The following ZNF716 variants were observed in gnomAD, a reference collection of about 807,000 sequenced individuals.
ZNF716 encodes the protein zinc finger protein 716.
A neutral mutation model predicts 13.4 loss-of-function variants in ZNF716; 9 were observed. The observed-to-expected ratio is 0.67, with a 90% CI of 0.41 to 1.18. The LOEUF is 1.18. Among genes scored for constraint, ZNF716 ranks in the 50% most tolerant of loss-of-function variants. The pLI, the probability that ZNF716 is intolerant of heterozygous loss-of-function variation, is 0.01. For synonymous variants in ZNF716, 186 were observed against 195.2 expected (o/e 0.95, Z 0.39); for missense variants, 581 against 576.6 (o/e 1.01, Z -0.08).
In ZNF716 at chr7:57,469,947, T is replaced by A; in HGVS notation, c.1486T>A (p.Ter496LysextTer60). 6.5e-7 allele frequency: 1 copy of A among 1,548,150 alleles called. No homozygotes were observed. The highest frequency in any genetic ancestry group is 8.7e-7 in the Non-Finnish European group (1 of 1,147,152). The change falls in exon 4 of 4, where the codon TAA (stop) becomes AAA (lysine). Residue 496 changes from the stop codon to lysine (K), a stop_lost. Transcript: ENST00000420713. Reference sequence around the variant, plus strand: ...TGGAGAGAAACCCTACAAATATGAATAATGTGGTAAAGTCCAGCCCTCAGG... The same window carrying A: ...TGGAGAGAAACCCTACAAATATGAAAAATGTGGTAAAGTCCAGCCCTCAGG... The part of the protein sequence containing the change: ...HTGEKPYKYE[*>K]
At chr7:57,459,352 G>C (rs1432274644) in intron 1 of ZNF716, among the ~76,000 whole-genome samples, 7 of 149,810 alleles carry the variant, frequency 4.7e-5, no homozygotes, top group African/African-American at 1.5e-4. Flanking sequence ...CTCAGACATT[G>C]CTGTCTTCTG....
intron 1 of ZNF716, among the ~76,000 whole-genome samples, chr7:57,451,047 A>T (rs181319937): frequency 6.7e-6 from 1 of 150,034 alleles, no homozygotes; most frequent in Non-Finnish European, 1.5e-5. Context: ...TTTGAGAGGG[A>T]GTCTCGCTCT....
At chr7:57,452,035 G>A (rs535511749) in intron 1 of ZNF716, among the ~76,000 whole-genome samples, 2 of 152,232 alleles carry the variant, frequency 1.3e-5, no homozygotes, top group South Asian at 4.1e-4. Context: ...CCAAAGTGCT[G>A]GGATTACAGG....
chr7:57,457,646 AT>A (rs548297629), intron 1 of ZNF716, among the ~76,000 whole-genome samples: 62 of 151,954 alleles, frequency 4.1e-4, no homozygotes, highest in African/African-American at 1.1e-3. Context: ...ACCCAGCCAC[AT>A]TTTTTTTCTT....
chr7:57,462,372 G>A (rs1554323247), intron 1 of ZNF716, 88 bp from the exon 2 acceptor site: 2 of 1,468,784 alleles, frequency 1.4e-6, no homozygotes, highest in Non-Finnish European at 9.3e-7. Flanking sequence ...TTTAACATGA[G>A]TCAAATAAAA....
chr7:57,460,902 A>C (rs567283687), intron 1 of ZNF716, among the ~76,000 whole-genome samples: 2 of 152,308 alleles, frequency 1.3e-5, no homozygotes, highest in East Asian at 3.9e-4. Context: ...AAGACTACTT[A>C]AAATTACTAT....
intron 2 of ZNF716, 132 bp from the exon 3 acceptor site, chr7:57,462,941 C>A: frequency 7.7e-7 from 1 of 1,293,586 alleles, no homozygotes; most frequent in African/African-American, 1.5e-5. Flanking sequence ...TAAATAGCTA[C>A]AAAGATCTGT....
intron 1 of ZNF716, among the ~76,000 whole-genome samples, chr7:57,455,864 C>T (rs937664954): frequency 6.6e-6 from 1 of 151,198 alleles, no homozygotes; most frequent in Admixed American, 6.6e-5. Context: ...ATCTATATGC[C>T]CCATCTTTCC....
In ZNF716 at chr7:57,468,835, T is replaced by TA. The variant is rs781946785; in HGVS notation, c.381dup (p.Cys128MetfsTer3). 2 of 1,613,562 alleles carry TA rather than the reference T, an allele frequency of 1.2e-6. No individual in the cohort carries two copies. The highest frequency in any genetic ancestry group is 1.7e-6 in the Non-Finnish European group (2 of 1,179,834). On this transcript the variant is annotated frameshift_variant, in exon 4 of 4. Coordinates refer to ENST00000420713, the MANE Select transcript of ZNF716 (RefSeq NM_001159279.1). LOFTEE classifies it low-confidence loss of function (END_TRUNC). The stretch of plus-strand genomic sequence containing the variant: ...AAATGTGGACAGGAGGATTTACAAG[T>TA]AAAAAAATGCTGTAAAAGTGTAGGT...
rs567730593 is a variant in ZNF716, at chr7:57,465,734, G to T, written c.262+2566G>T. Among the ~76,000 whole-genome samples the T allele has an allele frequency of 8.9e-4, 136 of 152,218 alleles. 2 individuals carry two copies. The highest frequency in any genetic ancestry group is 3.1e-3 in the African/African-American group (129 of 41,546). ...GAATATTGCATGTCCACATGCACAC[G>T]TATGTTTATTGCGGCACTATTCACA... On this transcript the variant is annotated intron_variant, in intron 3 of 3. Transcript: ENST00000420713.
In ZNF716 at chr7:57,470,001, G is replaced by T; in HGVS notation, c.*52G>T. ...TATAATACATAAAATAATTTATACT[G>T]GAAAAAATCACTACAAGTGTGGAGA... On this transcript the variant is annotated 3_prime_UTR_variant, in exon 4 of 4. Transcript: ENST00000420713. 1 of 1,451,630 alleles carries T rather than the reference G, an allele frequency of 6.9e-7. No individual in the cohort carries two copies. Among genetic ancestry groups the T allele is most frequent in the Admixed American group, 2.7e-5 (1 of 36,508 alleles). The allele number at this position is 1,451,630 out of a possible 1,614,324, so 89.9% of individuals were successfully genotyped here. A position where few individuals can be genotyped will look rare whatever the true frequency, so the allele number is the denominator to read the frequency against.
chr7:57,465,143 G>C (rs1269883203), intron 3 of ZNF716, among the ~76,000 whole-genome samples: 1 of 152,014 alleles, frequency 6.6e-6, no homozygotes, highest in Non-Finnish European at 1.5e-5. Context: ...TCACCACTGT[G>C]GGTTATCTTA....
chr7:57,468,991 C>G lies in ZNF716; in HGVS notation c.530C>G (p.Thr177Arg), dbSNP rs758521328. The change falls in exon 4 of 4, where the codon ACA becomes AGA. Residue 177 changes from threonine (T) to arginine (R), a missense_variant. Thr to Arg is a moderately conservative substitution (Grantham distance 71, BLOSUM62 -1). Transcript: ENST00000420713. Reference sequence around the variant, plus strand: ...TTTTCAAATTCCAATAGACACAAGACAAGACATACTGGAAAGAAACATTTC... The same window carrying G: ...TTTTCAAATTCCAATAGACACAAGAGAAGACATACTGGAAAGAAACATTTC... The part of the protein sequence containing the change: ...GKFSNSNRHK[T>R]RHTGKKHFKC... 4 of 1,607,776 alleles carry G rather than the reference C, an allele frequency of 2.5e-6. No homozygotes were observed. The highest frequency in any genetic ancestry group is 1.7e-5 in the Admixed American group (1 of 58,564).
At chr7:57,456,787 C>T (rs2116407887) in intron 1 of ZNF716, among the ~76,000 whole-genome samples, 1 of 151,956 alleles carries the variant, frequency 6.6e-6, no homozygotes, top group Non-Finnish European at 1.5e-5. Flanking sequence ...GATTTGGTGT[C>T]AGAAAAGAGA....
rs540682902 is a variant in ZNF716, at chr7:57,462,433, T to A, written c.40-27T>A. 1.4e-4 allele frequency: 230 copies of A among 1,608,408 alleles called. 5 individuals are homozygous for A. In the South Asian group the frequency reaches 2.4e-3, roughly 17 times the overall value. On this transcript the variant is annotated intron_variant, in intron 1 of 3. Coordinates refer to ENST00000420713, the MANE Select transcript of ZNF716 (RefSeq NM_001159279.1). ...CTGTTTGTGTGTTCATGAGTGTTTT[T>A]TTTGTTTGTTTATTTTTTGTTTTTA... is the stretch of plus-strand genomic sequence containing the variant.
intron 3 of ZNF716, among the ~76,000 whole-genome samples, chr7:57,464,810 A>G (rs1554323811): frequency 2.6e-5 from 4 of 152,256 alleles, no homozygotes; most frequent in Non-Finnish European, 2.9e-5. Context: ...TCCAGTTTTC[A>G]ACATTGTCTG....
At chr7:57,464,439 T>A (rs1789769673) in intron 3 of ZNF716, among the ~76,000 whole-genome samples, 1 of 152,084 alleles carries the variant, frequency 6.6e-6, no homozygotes, top group Non-Finnish European at 1.5e-5. Flanking sequence ...CATTTCTAAA[T>A]CATGTAATTC....
At chr7:57,463,523 C>CT (rs1357301849) in intron 3 of ZNF716, among the ~76,000 whole-genome samples, 2 of 152,028 alleles carry the variant, frequency 1.3e-5, no homozygotes, top group African/African-American at 2.4e-5. Flanking sequence ...TTTTAAAGTT[C>CT]TTTTTTGCAT....
intron 1 of ZNF716, among the ~76,000 whole-genome samples, chr7:57,459,945 T>A (rs1789677880): frequency 6.6e-6 from 1 of 152,184 alleles, no homozygotes; most frequent in African/African-American, 2.4e-5. Context: ...TGTGTGGTGG[T>A]AGCAGGTGAA....
Sources: gnomAD v4.1 joint callset for allele counts (sites outside exome capture counted in the v4.1 genomes callset) on GRCh38, gnomAD v4.1.1 for gene constraint, MANE v1.5 for transcripts, NCBI Gene and HGNC (gene_info 2026-07-23, HGNC 2026-07-21) for gene names.